Variants in CLPTM1 observed in about 807,000 individuals in gnomAD.
The protein encoded by CLPTM1 is putative lipid scramblase CLPTM1.
CLPTM1 carries 21 observed loss-of-function variants against 77.3 expected under a neutral mutation model. The observed-to-expected ratio is 0.27, with a 90% confidence interval of 0.19 to 0.39. The LOEUF (loss-of-function observed/expected upper bound fraction) is 0.39, where lower values mean the gene tolerates loss of function less well. Among genes scored for constraint, CLPTM1 ranks in the 10% least tolerant of loss-of-function variants. CLPTM1 has a pLI of 1.00. For synonymous variants in CLPTM1, 373 were observed against 381.0 expected, an observed-to-expected ratio of 0.98 and a Z score of 0.24; for missense variants, 642 against 921.2, an observed-to-expected ratio of 0.70 and a Z score of 3.92.
intron 1 of CLPTM1, among the ~76,000 whole-genome samples, chr19:44,958,397 T>C (rs1367133533): frequency 6.6e-6 from 1 of 151,956 alleles, no homozygotes; most frequent in African/African-American, 2.4e-5. Context: ...TTTTTTTTTT[T>C]TTCTTTTTTC....
intron 2 of CLPTM1, among the ~76,000 whole-genome samples, chr19:44,972,683 C>T (rs1970739926): frequency 6.6e-6 from 1 of 150,840 alleles, no homozygotes; most frequent in Non-Finnish European, 1.5e-5. Context: ...TTAATTCATC[C>T]ATCTGCACAC....
intron 8 of CLPTM1, 136 bp from the exon 9 acceptor site, chr19:44,987,944 C>T: frequency 2.8e-6 from 2 of 719,082 alleles, no homozygotes; most frequent in South Asian, 1.6e-5. Context: ...ATCTGCCCAT[C>T]TCTGACCCAG....
intron 4 of CLPTM1, among the ~76,000 whole-genome samples, chr19:44,976,212 A>ATGGG (rs1441018424): frequency 6.6e-6 from 1 of 152,112 alleles, no homozygotes; most frequent in Non-Finnish European, 1.5e-5. Flanking sequence ...CCCAGCCCCC[A>ATGGG]GGCCTTGCCA....
chr19:44,961,197 A>C (rs546789052), intron 1 of CLPTM1, among the ~76,000 whole-genome samples: 2 of 152,224 alleles, frequency 1.3e-5, no homozygotes, highest in Admixed American at 1.3e-4. Flanking sequence ...CCTCAGGATT[A>C]GTGTGCTGTG....
intron 1 of CLPTM1, among the ~76,000 whole-genome samples, chr19:44,957,200 C>T (rs1419504488): frequency 3.3e-5 from 5 of 152,360 alleles, no homozygotes. Context: ...TCTCTTTCCT[C>T]ATAGTCTATG....
intron 2 of CLPTM1, among the ~76,000 whole-genome samples, chr19:44,968,905 C>T (rs1260510852): frequency 1.3e-5 from 2 of 152,172 alleles, no homozygotes; most frequent in Non-Finnish European, 1.5e-5. Context: ...GGGGAGGTAG[C>T]GATGGCTCAG....
At chr19:44,981,069 C>T (rs1660922596) in intron 5 of CLPTM1, among the ~76,000 whole-genome samples, 1 of 152,114 alleles carries the variant, frequency 6.6e-6, no homozygotes, top group Non-Finnish European at 1.5e-5. Context: ...TCTTGATCTC[C>T]TGACCTCGTG....
Position 44,973,761 on chromosome 19 carries a change from G to GTTTTTTTTTTTTTTTTT in CLPTM1, c.309+555_309+571dup, listed in dbSNP as rs71173113. 9.6e-5 allele frequency among the ~76,000 whole-genome samples: 6 copies of GTTTTTTTTTTTTTTTTT among 62,458 alleles called. 1 individual carries two copies. Among genetic ancestry groups the GTTTTTTTTTTTTTTTTT allele is most frequent in the African/African-American group, 2.7e-4 (6 of 22,518 alleles). The allele number at this position is 62,458 out of a possible 152,430, so 41.0% of individuals were successfully genotyped here. ...GGAAGTTCTTGTTGGGTCACAGTGG[G>GTTTTTTTTTTTTTTTTT]TTTTTTTTTTTTTTTTTTTTGAGAT... On this transcript the variant is annotated intron_variant, in intron 3 of 13. Transcript: ENST00000337392.
chr19:44,972,341 G>A (rs1221454397), intron 2 of CLPTM1, among the ~76,000 whole-genome samples: 1 of 151,554 alleles, frequency 6.6e-6, no homozygotes, highest in African/African-American at 2.4e-5. Flanking sequence ...TCTGCCTCCT[G>A]GGTTCACACC....
intron 5 of CLPTM1, chr19:44,984,438 G>C (rs1970947195): frequency 6.6e-6 from 1 of 152,328 alleles, no homozygotes; most frequent in Non-Finnish European, 1.5e-5. Flanking sequence ...GGGGTGGCCA[G>C]GGAAGCCCTG....
In CLPTM1 at chr19:44,992,384, C is replaced by T. The variant is rs1003836318; in HGVS notation, c.1707C>T (p.Ile569=). 5.6e-6 allele frequency: 9 copies of T among 1,614,000 alleles called. No homozygotes were observed. The highest frequency in any genetic ancestry group is 4.4e-5 in the South Asian group (4 of 91,086). Reference sequence around the variant, plus strand: ...TCAAGATGCCCGTTATGTACCGGATCGGCTGCCTGCGGGACGGTGAGGCCC... The same window carrying T: ...TCAAGATGCCCGTTATGTACCGGATTGGCTGCCTGCGGGACGGTGAGGCCC... ...FVIKMPVMYR[I]GCLRDDVVFF... Residue 569 remains isoleucine (I), a synonymous_variant, in exon 13 of 14, where the codon ATC becomes ATT. Coordinates refer to ENST00000337392, the MANE Select transcript of CLPTM1 (RefSeq NM_001294.4). This position sits in a 1 kb window ranked among gnomAD's most constrained non-coding sequence, Gnocchi z 7.7.
chr19:44,982,923 T>A (rs1463353137), intron 5 of CLPTM1, among the ~76,000 whole-genome samples: 1 of 152,034 alleles, frequency 6.6e-6, no homozygotes, highest in Non-Finnish European at 1.5e-5. Context: ...TTGCTGGTCA[T>A]GGTGGTGGAT....
chr19:44,973,992 G>T (rs1308159722), intron 3 of CLPTM1, among the ~76,000 whole-genome samples: 1 of 151,796 alleles, frequency 6.6e-6, no homozygotes, highest in Non-Finnish European at 1.5e-5. Context: ...TCGAACTCCT[G>T]ACCTCAAGTG....
chr19:44,967,067 T>A (rs1307813250), intron 2 of CLPTM1, among the ~76,000 whole-genome samples: 1 of 152,124 alleles, frequency 6.6e-6, no homozygotes, highest in Non-Finnish European at 1.5e-5. Flanking sequence ...AGTCTCGATC[T>A]CCTGACCTCG....
chr19:44,978,981 CTTTT>C (rs35634071), intron 5 of CLPTM1, among the ~76,000 whole-genome samples: 6 of 132,270 alleles, frequency 4.5e-5, no homozygotes, highest in Non-Finnish European at 3.3e-5. Context: ...TTGCCTGGCT[CTTTT>C]TTTTTTTTTT....
chr19:44,977,506 C>A, intron 5 of CLPTM1, 46 bp downstream of exon 5: 1 of 1,397,912 alleles, frequency 7.2e-7, no homozygotes, highest in Non-Finnish European at 1.0e-6. Flanking sequence ...AGGAGGCCAG[C>A]ATCCTGGGAG....
At chr19:44,960,506 G>A (rs376691695) in intron 1 of CLPTM1, among the ~76,000 whole-genome samples, 3 of 152,202 alleles carry the variant, frequency 2.0e-5, no homozygotes, top group Non-Finnish European at 4.4e-5. Context: ...GCTGAGGTCT[G>A]TTTGACCCTG....
chr19:44,955,091 T>C (rs1179428157), upstream of CLPTM1: 5 of 1,534,706 alleles, frequency 3.3e-6, no homozygotes, highest in Admixed American at 7.9e-5. Context: ...AAAAGGCGGG[T>C]TAATGTGAAG....
rs1050476839 is a variant in CLPTM1 at position 44,990,125 on chromosome 19, C to T, written c.1133-270C>T. Reference sequence around the variant, plus strand: ...GAGCCCTGTCCATGGCACCAGTCACCGTCACCATCAGTCAAGGGACTGCAC... The same window carrying T: ...GAGCCCTGTCCATGGCACCAGTCACTGTCACCATCAGTCAAGGGACTGCAC... On this transcript the variant is annotated intron_variant, in intron 9 of 13. Coordinates refer to ENST00000337392, the MANE Select transcript of CLPTM1 (RefSeq NM_001294.4). This position sits in a 1 kb window ranked among gnomAD's most constrained non-coding sequence, Gnocchi z 4.8. 8.5e-5 allele frequency: 40 copies of T among 471,040 alleles called. No homozygotes were observed. Among genetic ancestry groups the T allele is most frequent in the African/African-American group, 6.6e-4 (34 of 51,618 alleles). 29.2% of individuals were successfully genotyped at this position (471,040 alleles called of 1,614,324 possible). A position where few individuals can be genotyped will look rare whatever the true frequency, so the allele number is the denominator to read the frequency against.
Sources: gnomAD v4.1 joint callset for allele counts (sites outside exome capture counted in the v4.1 genomes callset) on GRCh38, gnomAD v4.1.1 for gene constraint, Gnocchi (gnomAD v3.1) non-coding constraint, MANE v1.5 for transcripts, NCBI Gene and HGNC (gene_info 2026-07-23, HGNC 2026-07-21) for gene names.